Variants in CDH4 observed in about 807,000 individuals in gnomAD.
The protein encoded by CDH4 is cadherin 4.
A neutral mutation model predicts 86.0 loss-of-function variants in CDH4; 33 were observed. The observed-to-expected ratio is 0.38, with a 90% CI of 0.29 to 0.51. The LOEUF (loss-of-function observed/expected upper bound fraction) is 0.51. CDH4 is among the 20% of genes least tolerant of loss of function. CDH4 has a pLI of 0.86. For missense variants in CDH4, 1,114 were observed against 1,307.4 expected (o/e 0.85, Z 2.28); for synonymous variants, 555 against 549.4 (o/e 1.01, Z -0.14).
intron 2 of CDH4, among the ~76,000 whole-genome samples, chr20:61,619,044 G>A (rs1021645819): frequency 2.0e-4 from 31 of 152,330 alleles, no homozygotes; most frequent in Admixed American, 6.5e-4. Context: ...AAGTCTTGGC[G>A]TGGCCCCTGC....
chr20:61,696,062 G>A (rs540185063), intron 2 of CDH4, among the ~76,000 whole-genome samples: 8 of 152,280 alleles, frequency 5.3e-5, no homozygotes, highest in East Asian at 3.9e-4. Flanking sequence ...TCCCACCTGC[G>A]TTTCCTGAGC....
intron 3 of CDH4, 111 bp from the exon 4 acceptor site, chr20:61,772,892 C>A: frequency 1.1e-6 from 1 of 885,926 alleles, no homozygotes. Flanking sequence ...CAGCGTTACC[C>A]GCCTTCCCTC....
chr20:61,855,776 G>A (rs535119482), intron 6 of CDH4, among the ~76,000 whole-genome samples: 3 of 152,256 alleles, frequency 2.0e-5, no homozygotes, highest in African/African-American at 4.8e-5. Context: ...AGCTGGGCAC[G>A]GCCTGGCAGC....
At chr20:61,338,230 C>T (rs1255214445) in intron 2 of CDH4, among the ~76,000 whole-genome samples, 1 of 152,072 alleles carries the variant, frequency 6.6e-6, no homozygotes, top group African/African-American at 2.4e-5. Flanking sequence ...TGCTTAAAAA[C>T]ACTTAAAAAG....
chr20:61,775,989 T>C (rs2088837496), intron 4 of CDH4, among the ~76,000 whole-genome samples: 1 of 152,032 alleles, frequency 6.6e-6, no homozygotes, highest in African/African-American at 2.4e-5. Flanking sequence ...ACACACCATC[T>C]CCTGATGGAC....
chr20:61,876,130 G>C (rs2059572711), intron 7 of CDH4, among the ~76,000 whole-genome samples: 1 of 152,268 alleles, frequency 6.6e-6, no homozygotes, highest in African/African-American at 2.4e-5. Context: ...CTGTGTCCAA[G>C]GAGAGGACAG....
Position 61,623,766 on chromosome 20 carries a change from T to A in CDH4, c.170-119797T>A, listed in dbSNP as rs571896894. On this transcript the variant is annotated intron_variant, in intron 2 of 15. Transcript: ENST00000614565. The surrounding 1 kb of genome is among the most constrained non-coding windows in gnomAD (Gnocchi z 4.4). ...ATCAGAAAATAAAAGGTACCCAGAA[T>A]CTGAGCAGGAAAGACACGGTTCCTA... Among the ~76,000 whole-genome samples the A allele has an allele frequency of 6.6e-6, 1 of 152,094 alleles. No homozygotes were observed. The highest frequency in any genetic ancestry group is 1.9e-4 in the East Asian group (1 of 5,148).
intron 2 of CDH4, among the ~76,000 whole-genome samples, chr20:61,312,519 G>A (rs955651760): frequency 6.6e-6 from 1 of 152,106 alleles, no homozygotes; most frequent in African/African-American, 2.4e-5. Flanking sequence ...GGACCTTCCA[G>A]CTGGTCCGTA....
At chr20:61,690,082 T>C (rs904242667) in intron 2 of CDH4, among the ~76,000 whole-genome samples, 3 of 146,294 alleles carry the variant, frequency 2.1e-5, no homozygotes, top group African/African-American at 8.1e-5. Flanking sequence ...TGAGGTGATG[T>C]GGATTCTGAC....
At chr20:61,719,129 C>T (rs921954238) in intron 2 of CDH4, 71 of 470,950 alleles carry the variant, frequency 1.5e-4, no homozygotes, top group African/African-American at 1.3e-3. Flanking sequence ...CACCTGCAGC[C>T]AAATGGCTTT....
At position 61,620,298 on chromosome 20, in the gene CDH4, TGGTAGGTAGATA is replaced by T. The variant is rs1436644906; in HGVS notation, c.170-123253_170-123242del. 2.8e-5 allele frequency among the ~76,000 whole-genome samples: 4 copies of T among 145,398 alleles called. No individual in the cohort carries two copies. In the East Asian group the frequency reaches 8.3e-4, roughly 30 times the overall value. On this transcript the variant is annotated intron_variant, in intron 2 of 15. Transcript: ENST00000614565. ...AGATGGTTGATGGATGGATGATAGA[TGGTAGGTAGATA>T]GGTAGGTAGATGGATGGATGGATAG... is the stretch of plus-strand genomic sequence containing the variant.
intron 2 of CDH4, among the ~76,000 whole-genome samples, chr20:61,726,192 G>C (rs1338995853): frequency 6.6e-6 from 1 of 152,106 alleles, no homozygotes; most frequent in African/African-American, 2.4e-5. Context: ...TACCCCCAGT[G>C]GCCCAGGGCT....
chr20:61,757,807 G>C (rs551342691), intron 3 of CDH4, among the ~76,000 whole-genome samples: 12 of 152,282 alleles, frequency 7.9e-5, no homozygotes, highest in Admixed American at 5.2e-4. Flanking sequence ...GGAGCGAGTG[G>C]TACAGACTCT....
chr20:61,759,139 CA>C (rs1319896650), intron 3 of CDH4, among the ~76,000 whole-genome samples: 2 of 152,088 alleles, frequency 1.3e-5, no homozygotes, highest in Non-Finnish European at 2.9e-5. Flanking sequence ...CAGAGCCCCC[CA>C]AGCAGAGTTG....
At chr20:61,870,526 C>T (rs1983758365) in intron 6 of CDH4, among the ~76,000 whole-genome samples, 1 of 152,210 alleles carries the variant, frequency 6.6e-6, no homozygotes, top group Non-Finnish European at 1.5e-5. Context: ...CCACCTTCTG[C>T]ATGTCCCTGC....
chr20:61,255,955 T>G (rs1257658605), intron 2 of CDH4, among the ~76,000 whole-genome samples: 3 of 152,214 alleles, frequency 2.0e-5, no homozygotes, highest in Non-Finnish European at 2.9e-5. Flanking sequence ...TGACTTAGTT[T>G]TTTTATCTAA....
chr20:61,616,149 C>T (rs540159965), intron 2 of CDH4, among the ~76,000 whole-genome samples: 64 of 152,208 alleles, frequency 4.2e-4, no homozygotes, highest in Non-Finnish European at 8.7e-4. Flanking sequence ...AGGGAGACTG[C>T]AGAGCTGGTG....
At chr20:61,661,347 G>A (rs1348987569) in intron 2 of CDH4, among the ~76,000 whole-genome samples, 3 of 152,226 alleles carry the variant, frequency 2.0e-5, no homozygotes, top group African/African-American at 7.2e-5. Context: ...AGCTTGGAGG[G>A]TGGAAGTGAG....
At chr20:61,270,540 G>C (rs1010316087) in intron 2 of CDH4, among the ~76,000 whole-genome samples, 3 of 152,138 alleles carry the variant, frequency 2.0e-5, no homozygotes, top group African/African-American at 7.2e-5. Flanking sequence ...TTCCTTAAAG[G>C]TGCTGGACAC....
Sources: allele counts gnomAD v4.1 joint callset (sites outside exome capture counted in the v4.1 genomes callset), GRCh38; gene constraint gnomAD v4.1.1; non-coding constraint Gnocchi (gnomAD v3.1); transcripts MANE v1.5; gene names NCBI Gene and HGNC (gene_info 2026-07-23, HGNC 2026-07-21).